Variants in FANCA observed in about 807,000 individuals in gnomAD.
FANCA encodes Fanconi anemia group A protein.
A neutral mutation model predicts 194.3 loss-of-function variants in FANCA; 236 were observed. The ratio of observed to expected loss-of-function variants is 1.21; its 90% CI spans 1.09 to 1.35. The LOEUF is 1.35. FANCA is among the 40% of genes most tolerant of loss of function. The pLI is 0.00. For missense variants in FANCA, 2,628 were observed against 1,813.9 expected, an observed-to-expected ratio of 1.45 and a Z score of -8.15; for synonymous variants, 1,014 against 715.8, an observed-to-expected ratio of 1.42 and a Z score of -6.65.
chr16:89,777,926 C>A (rs1403809639), intron 20 of FANCA, among the ~76,000 whole-genome samples: 2 of 152,002 alleles, frequency 1.3e-5, no homozygotes, highest in Non-Finnish European at 2.9e-5. Context: ...CTTTGGGAGG[C>A]CGAGGTGGGC....
chr16:89,816,230 C>G, intron 1 of FANCA: 1 of 509,058 alleles, frequency 2.0e-6, no homozygotes, highest in Non-Finnish European at 3.6e-6. Flanking sequence ...GAGGGGCGGC[C>G]TCTGCGCTGA....
intron 8 of FANCA, among the ~76,000 whole-genome samples, chr16:89,801,652 G>C (rs898093664): frequency 6.6e-6 from 1 of 152,102 alleles, no homozygotes; most frequent in South Asian, 2.1e-4. Context: ...CACTTCAGGA[G>C]GCCAAGGCAG....
At chr16:89,812,499 A>C (rs1196725927) in intron 3 of FANCA, among the ~76,000 whole-genome samples, 1 of 150,972 alleles carries the variant, frequency 6.6e-6, no homozygotes, top group Non-Finnish European at 1.5e-5. Context: ...ATACAAAATT[A>C]GCCAGGCGTG....
At chr16:89,798,826 A>C in intron 10 of FANCA, 1 of 1,475,670 alleles carries the variant, frequency 6.8e-7, no homozygotes, top group Non-Finnish European at 8.9e-7. Context: ...CCAGCTCTAG[A>C]GCCTGAATCA....
chr16:89,791,690 G>C (rs181100179), intron 13 of FANCA, 154 bp from the exon 14 acceptor site: 1 of 1,153,158 alleles, frequency 8.7e-7, no homozygotes, highest in African/African-American at 1.5e-5. Flanking sequence ...AGCATGTCAA[G>C]TGCAAACCAC....
chr16:89,783,340 G>A (rs2039785961), intron 15 of FANCA, among the ~76,000 whole-genome samples: 1 of 152,030 alleles, frequency 6.6e-6, no homozygotes, highest in African/African-American at 2.4e-5. Context: ...CACGAGGTCA[G>A]GAGATGGAGA....
In FANCA at chr16:89,738,626, A is replaced by G. The variant is rs1223154937; in HGVS notation, c.4343T>C (p.Leu1448Pro). 4 of 1,613,720 alleles carry G rather than the reference A, an allele frequency of 2.5e-6. No individual in the cohort carries two copies. The South Asian group carries it at 4.4e-5, about 18-fold the overall frequency. ...TCAGAAGAGATGAGGCTCCTGGGAC[A>G]GGTCAGCGTCAGGGGCAGCCTGCTG... ...SRQQAAPDADLSQEPHLF is the reference protein window; with the variant it reads ...SRQQAAPDADPSQEPHLF The change falls in exon 43 of 43, where the codon CTG (leucine) becomes CCG (proline). Residue 1448 changes from leucine (L) to proline (P), a missense_variant. By Grantham distance (98) the Leu-to-Pro change is moderately conservative (BLOSUM62 -3). Coordinates refer to ENST00000389301, the MANE Select transcript of FANCA (RefSeq NM_000135.4).
At chr16:89,782,533 C>G (rs1475829396) in intron 17 of FANCA, among the ~76,000 whole-genome samples, 6 of 151,690 alleles carry the variant, frequency 4.0e-5, no homozygotes, top group Non-Finnish European at 7.4e-5. Context: ...AAAGTTAACA[C>G]TTTTCTGTGA....
rs2039290902 is a variant in FANCA, at chr16:89,770,633, G to A, written c.2153C>T (p.Ala718Val). Residue 718 changes from alanine to valine, a missense_variant and splice_region_variant, in exon 24 of 43, where the codon GCT becomes GTT. By Grantham distance (64) the Ala-to-Val change is moderately conservative. Transcript: ENST00000389301. ...TPRLEPREHM[A>V]VDLLLTSFCQ... is the part of the protein sequence containing the mutation. ...GAAAGACGTCAGCAGGAGGTCCACA[G>A]CCTGCAGAGACACAGTTCTCATGAG... 2 of 1,608,062 alleles carry A rather than the reference G, an allele frequency of 1.2e-6. No homozygotes were observed. The highest frequency in any genetic ancestry group is 1.7e-6 in the Non-Finnish European group (2 of 1,177,068).
At chr16:89,761,629 C>A (rs2038957610) in intron 29 of FANCA, among the ~76,000 whole-genome samples, 1 of 151,940 alleles carries the variant, frequency 6.6e-6, no homozygotes, top group South Asian at 2.1e-4. Flanking sequence ...TAAAGGGAAG[C>A]TCCTTTTTCT....
chr16:89,766,866 C>G (rs952175723), intron 27 of FANCA, among the ~76,000 whole-genome samples: 3 of 152,204 alleles, frequency 2.0e-5, no homozygotes, highest in Admixed American at 6.5e-5. Flanking sequence ...TATTTCATTA[C>G]AATTACAGAC....
chr16:89,771,254 T>G (rs2039315974), intron 23 of FANCA, among the ~76,000 whole-genome samples: 6 of 151,184 alleles, frequency 4.0e-5, no homozygotes, highest in Admixed American at 3.3e-4. Context: ...ACCTCAGGAC[T>G]TCTAGACCAG....
At chr16:89,779,043 G>T in intron 18 of FANCA, 40 bp from the exon 19 acceptor site, 2 of 1,598,438 alleles carry the variant, frequency 1.3e-6, no homozygotes, top group East Asian at 2.2e-5. Flanking sequence ...AGTCAGAGCA[G>T]CGAGAAGGCA....
chr16:89,752,114 G>A (rs2038615430), intron 31 of FANCA, 24 bp downstream of exon 31: 1 of 1,601,908 alleles, frequency 6.2e-7, no homozygotes, highest in Non-Finnish European at 8.6e-7. Context: ...TGAATGCACT[G>A]AGTTGTGGCA....
chr16:89,762,077 G>T, intron 28 of FANCA, 55 bp from the exon 29 acceptor site: 1 of 1,376,240 alleles, frequency 7.3e-7, no homozygotes, highest in Non-Finnish European at 1.0e-6. Flanking sequence ...ACAATCCACC[G>T]ACAGGTTTAT....
chr16:89,740,404 C>T (rs924165261), intron 38 of FANCA: 18 of 473,494 alleles, frequency 3.8e-5, no homozygotes, highest in African/African-American at 2.9e-4. Flanking sequence ...CTTTGGGAGG[C>T]CGAGGTCGGC....
At chr16:89,739,337 T>C (rs373682746) in intron 40 of FANCA, 48 bp from the exon 41 acceptor site, 2 of 1,610,824 alleles carry the variant, frequency 1.2e-6, no homozygotes, top group South Asian at 1.1e-5. Flanking sequence ...GCTGGAAAGG[T>C]AGCAGGTGAT....
intron 17 of FANCA, among the ~76,000 whole-genome samples, chr16:89,781,363 C>CAAAAAAAA (rs775937692): frequency 4.5e-4 from 27 of 60,382 alleles, no homozygotes; most frequent in South Asian, 2.1e-3. Context: ...GACTCCATTC[C>CAAAAAAAA]AAAAAAAAAA....
chr16:89,739,819 C>G, intron 39 of FANCA, 175 bp downstream of exon 39: 1 of 1,467,922 alleles, frequency 6.8e-7, no homozygotes, highest in Non-Finnish European at 9.0e-7. Context: ...GACCAGTGAG[C>G]CAGTAAATTA....
Sources: gnomAD v4.1 joint callset for allele counts (sites outside exome capture counted in the v4.1 genomes callset) on GRCh38, gnomAD v4.1.1 for gene constraint, MANE v1.5 for transcripts, NCBI Gene and HGNC (gene_info 2026-07-23, HGNC 2026-07-21) for gene names.